Variants in CNTNAP2 observed in about 807,000 individuals in gnomAD.
CNTNAP2 encodes contactin-associated protein-like 2.
A neutral mutation model predicts 155.2 loss-of-function variants in CNTNAP2; 98 were observed. The observed-to-expected ratio is 0.63, with a 90% confidence interval of 0.54 to 0.75. The LOEUF is 0.75. Among genes scored for constraint, CNTNAP2 ranks in the 30% least tolerant of loss-of-function variants. The pLI is 0.00. For synonymous variants in CNTNAP2, 651 were observed against 631.2 expected, an observed-to-expected ratio of 1.03 and a Z score of -0.47; for missense variants, 1,727 against 1,688.1, an observed-to-expected ratio of 1.02 and a Z score of -0.40.
At chr7:147,911,003 T>G (rs977081679) in intron 14 of CNTNAP2, among the ~76,000 whole-genome samples, 4 of 152,198 alleles carry the variant, frequency 2.6e-5, no homozygotes, top group Non-Finnish European at 5.9e-5. Context: ...CTTTTACAAT[T>G]CAATGGTATT....
Position 146,446,069 on chromosome 7 carries a change from C to T in CNTNAP2, c.98-328202C>T, listed in dbSNP as rs1409467328. Among the ~76,000 whole-genome samples, 6 of 152,080 alleles carry T rather than the reference C, an allele frequency of 3.9e-5. No individual in the cohort carries two copies. The East Asian group carries it at 1.2e-3, about 29-fold the overall frequency. ...GAGCAGAAAAGAACCGTAGATCATT[C>T]TTACTAAGTTCATTGGTCTTACATG... is the stretch of plus-strand genomic sequence containing the variant. On this transcript the variant is annotated intron_variant, in intron 1 of 23. Coordinates refer to ENST00000361727, the MANE Select transcript of CNTNAP2 (RefSeq NM_014141.6).
intron 15 of CNTNAP2, among the ~76,000 whole-genome samples, chr7:148,006,571 G>A (rs1485214942): frequency 4.0e-5 from 6 of 150,072 alleles, no homozygotes; most frequent in African/African-American, 9.8e-5. Context: ...TGCCTGCCTC[G>A]GCCTTCCAAA....
chr7:147,768,661 G>A (rs543019890), intron 13 of CNTNAP2, among the ~76,000 whole-genome samples: 6 of 152,122 alleles, frequency 3.9e-5, no homozygotes, highest in Middle Eastern at 3.4e-3. Flanking sequence ...TGACTGATGT[G>A]CTTATTAATG....
intron 13 of CNTNAP2, among the ~76,000 whole-genome samples, chr7:147,826,860 T>C (rs906939800): frequency 6.6e-6 from 1 of 152,090 alleles, no homozygotes; most frequent in Non-Finnish European, 1.5e-5. Flanking sequence ...AACCATCATA[T>C]GGTCTCATCA....
rs182384178 is a variant in CNTNAP2 at position 146,570,032 on chromosome 7, C to T, written c.98-204239C>T. Among the ~76,000 whole-genome samples the T allele has an allele frequency of 1.1e-4, 16 of 152,306 alleles. No individual in the cohort carries two copies. In the East Asian group the frequency reaches 3.1e-3, roughly 29 times the overall value. ...AAGACAGATGAAGGTGTGCAAGTCACTCTACTGATTTGCAAGGACAAGAAA... is the reference window on the plus strand; with the variant it reads ...AAGACAGATGAAGGTGTGCAAGTCATTCTACTGATTTGCAAGGACAAGAAA... On this transcript the variant is annotated intron_variant, in intron 1 of 23. Coordinates refer to ENST00000361727, the MANE Select transcript of CNTNAP2 (RefSeq NM_014141.6).
At chr7:147,731,365 C>T (rs545964016) in intron 13 of CNTNAP2, among the ~76,000 whole-genome samples, 1 of 152,152 alleles carries the variant, frequency 6.6e-6, no homozygotes, top group East Asian at 1.9e-4. Context: ...AATCCTGAGA[C>T]TCTTAAGAGT....
chr7:147,589,326 G>A (rs1309284793), intron 12 of CNTNAP2, among the ~76,000 whole-genome samples: 1 of 152,026 alleles, frequency 6.6e-6, no homozygotes, highest in Non-Finnish European at 1.5e-5. Context: ...ATAATCCTTG[G>A]CTTGGGACAG....
chr7:148,358,385 T>A (rs895093450), intron 21 of CNTNAP2, among the ~76,000 whole-genome samples: 2 of 152,058 alleles, frequency 1.3e-5, no homozygotes, highest in African/African-American at 4.8e-5. Context: ...TGGCAAGAAC[T>A]CTCAGACTGG....
At chr7:147,872,618 T>A (rs1247287614) in intron 13 of CNTNAP2, among the ~76,000 whole-genome samples, 1 of 152,228 alleles carries the variant, frequency 6.6e-6, no homozygotes, top group African/African-American at 2.4e-5. Flanking sequence ...TGCTCATTCA[T>A]GAATCGTCAC....
chr7:146,626,302 T>C (rs1431846902), intron 1 of CNTNAP2, among the ~76,000 whole-genome samples: 1 of 152,176 alleles, frequency 6.6e-6, no homozygotes, highest in African/African-American at 2.4e-5. Flanking sequence ...ATTAATGGTA[T>C]TGAATTTTAA....
At chr7:147,284,463 T>C (rs891039156) in intron 8 of CNTNAP2, among the ~76,000 whole-genome samples, 1 of 151,880 alleles carries the variant, frequency 6.6e-6, no homozygotes, top group South Asian at 2.1e-4. Context: ...CATACACATA[T>C]ACAAGCACAC....
chr7:146,368,170 T>C (rs189633249), intron 1 of CNTNAP2, among the ~76,000 whole-genome samples: 155 of 152,252 alleles, frequency 1.0e-3, no homozygotes, highest in Non-Finnish European at 1.4e-3. Context: ...TTTTCTCCCT[T>C]GATGACATAT....
intron 1 of CNTNAP2, among the ~76,000 whole-genome samples, chr7:146,145,956 C>A (rs1318800604): frequency 6.6e-6 from 1 of 152,000 alleles, no homozygotes; most frequent in African/African-American, 2.4e-5. Flanking sequence ...TACAGTAATA[C>A]AATTTGTTAT....
Position 147,205,891 on chromosome 7 carries a change from G to A in CNTNAP2, c.1348+73382G>A, listed in dbSNP as rs182855768. On this transcript the variant is annotated intron_variant, in intron 8 of 23. Transcript: ENST00000361727. Reference sequence around the variant, plus strand: ...ATATTTCAAAGTACCTAAAAGAGTGGAACTGGAAAGTTCCTAAAACAAAGA... The same window carrying A: ...ATATTTCAAAGTACCTAAAAGAGTGAAACTGGAAAGTTCCTAAAACAAAGA... 7.2e-5 allele frequency among the ~76,000 whole-genome samples: 11 copies of A among 152,098 alleles called. No individual in the cohort carries two copies. In the East Asian group the frequency reaches 2.1e-3, roughly 29 times the overall value.
At chr7:148,002,285 G>A (rs150855141) in intron 15 of CNTNAP2, among the ~76,000 whole-genome samples, 160 of 152,188 alleles carry the variant, frequency 1.1e-3, no homozygotes, top group African/African-American at 3.4e-3. Flanking sequence ...CAAAATGACA[G>A]CAAAATGTTC....
chr7:147,789,025 C>T (rs1797780084), intron 13 of CNTNAP2, among the ~76,000 whole-genome samples: 1 of 151,288 alleles, frequency 6.6e-6, no homozygotes, highest in South Asian at 2.1e-4. Flanking sequence ...CTGCCTCAGC[C>T]TCCCAAGTAG....
At chr7:147,764,808 A>G (rs1430127783) in intron 13 of CNTNAP2, among the ~76,000 whole-genome samples, 6 of 152,208 alleles carry the variant, frequency 3.9e-5, no homozygotes, top group Non-Finnish European at 8.8e-5. Context: ...ATCAGAAGTC[A>G]TCATATCTCT....
At chr7:146,592,815 G>T (rs1290002436) in intron 1 of CNTNAP2, among the ~76,000 whole-genome samples, 2 of 152,096 alleles carry the variant, frequency 1.3e-5, no homozygotes, top group African/African-American at 4.8e-5. Context: ...GAAACATGGG[G>T]TTTATTTGAT....
intron 1 of CNTNAP2, among the ~76,000 whole-genome samples, chr7:146,626,460 C>G (rs1034009089): frequency 1.3e-5 from 2 of 152,018 alleles, no homozygotes; most frequent in Non-Finnish European, 2.9e-5. Flanking sequence ...GAAGTTGAAA[C>G]ACCACCGTAT....
Sources: gnomAD v4.1 joint callset for allele counts (sites outside exome capture counted in the v4.1 genomes callset) on GRCh38, gnomAD v4.1.1 for gene constraint, MANE v1.5 for transcripts, NCBI Gene and HGNC (gene_info 2026-07-23, HGNC 2026-07-21) for gene names.